Variants in CEP83 observed in about 807,000 individuals in gnomAD.
CEP83 encodes centrosomal protein of 83 kDa.
A neutral mutation model predicts 101.9 loss-of-function variants in CEP83; 70 were observed. That is an observed-to-expected ratio of 0.69 (90% CI 0.57 to 0.84). The LOEUF is 0.84. CEP83 is among the 40% of genes least tolerant of loss of function. The pLI, the probability that CEP83 is intolerant of heterozygous loss-of-function variation, is 0.00. For synonymous variants in CEP83, 264 were observed against 267.9 expected (o/e 0.99, Z 0.14); for missense variants, 715 against 787.2 (o/e 0.91, Z 1.10).
the CEP83 span, among the ~76,000 whole-genome samples, chr12:94,289,689 C>T: frequency 6.6e-6 from 1 of 152,188 alleles, no homozygotes; most frequent in African/African-American, 2.4e-5. Context: ...ACCTCAGCAG[C>T]AGCTGACTTG....
chr12:94,345,271 A>C (rs1336377125), intron 11 of CEP83, among the ~76,000 whole-genome samples: 1 of 152,232 alleles, frequency 6.6e-6, no homozygotes, highest in Admixed American at 6.5e-5. Context: ...AAAGTGGTGT[A>C]GTATTATGAT....
chr12:94,288,505 C>A, the CEP83 span, among the ~76,000 whole-genome samples: 3 of 152,192 alleles, frequency 2.0e-5, no homozygotes, highest in Non-Finnish European at 4.4e-5. Flanking sequence ...TTCAAGTAAA[C>A]AAGAGAGAAG....
downstream of CEP83, chr12:94,303,722 G>T (rs769567130): frequency 4.8e-5 from 58 of 1,210,150 alleles, no homozygotes; most frequent in South Asian, 2.1e-4. Context: ...TACTCTTTTG[G>T]TGATGGTTGC....
At chr12:94,445,545 G>A (rs1250718628) in intron 1 of CEP83, among the ~76,000 whole-genome samples, 1 of 152,094 alleles carries the variant, frequency 6.6e-6, no homozygotes, top group Non-Finnish European at 1.5e-5. Flanking sequence ...TTACATAAAT[G>A]ACAAGATATA....
chr12:94,424,272 G>A (rs1483633600), intron 2 of CEP83: 2 of 1,614,098 alleles, frequency 1.2e-6, no homozygotes, highest in African/African-American at 2.7e-5. Flanking sequence ...CGTCCATTTT[G>A]CACAAATATT....
chr12:94,278,196 G>A, the CEP83 span: 7 of 368,348 alleles, frequency 1.9e-5, no homozygotes, highest in East Asian at 2.2e-4. Context: ...ACATTCCCTC[G>A]TTAAGCCAGG....
intron 1 of CEP83, among the ~76,000 whole-genome samples, chr12:94,457,151 G>C (rs1216911340): frequency 6.6e-6 from 1 of 152,130 alleles, no homozygotes; most frequent in Non-Finnish European, 1.5e-5. Context: ...TTAGGGGATA[G>C]TGAAGAAACC....
chr12:94,374,645 A>G (rs1312724498), intron 8 of CEP83, among the ~76,000 whole-genome samples: 2 of 152,194 alleles, frequency 1.3e-5, no homozygotes, highest in Non-Finnish European at 2.9e-5. Flanking sequence ...TCTTACAGAT[A>G]TAAGGAAATT....
chr12:94,358,672 G>T (rs569891826), intron 11 of CEP83, among the ~76,000 whole-genome samples: 1 of 152,232 alleles, frequency 6.6e-6, no homozygotes, highest in Admixed American at 6.5e-5. Context: ...CACCAATTCA[G>T]TTATACAACC....
chr12:94,388,471 C>T (rs942118344), intron 6 of CEP83, among the ~76,000 whole-genome samples: 8 of 152,040 alleles, frequency 5.3e-5, no homozygotes, highest in African/African-American at 1.9e-4. Context: ...TCAAAAACTT[C>T]CTATTAGGCA....
chr12:94,399,999 T>C (rs2063158314), intron 6 of CEP83, among the ~76,000 whole-genome samples: 1 of 152,238 alleles, frequency 6.6e-6, no homozygotes, highest in Admixed American at 6.5e-5. Flanking sequence ...AGAACAGTTT[T>C]AGTTTTTATT....
intron 11 of CEP83, among the ~76,000 whole-genome samples, chr12:94,345,629 G>C (rs914444411): frequency 6.6e-6 from 1 of 151,898 alleles, no homozygotes; most frequent in African/African-American, 2.4e-5. Flanking sequence ...CTTGGAACTG[G>C]TCATAAAAAA....
chr12:94,318,319 T>C (rs775371551), intron 14 of CEP83, among the ~76,000 whole-genome samples: 1 of 152,178 alleles, frequency 6.6e-6, no homozygotes, highest in African/African-American at 2.4e-5. Context: ...ATTGAGACTA[T>C]GGGGGTTTCC....
Position 94,367,888 on chromosome 12 carries a change from C to T in CEP83, c.1249G>A (p.Val417Ile). 2.5e-6 allele frequency: 4 copies of T among 1,613,758 alleles called. No individual in the cohort carries two copies. The highest frequency in any genetic ancestry group is 3.4e-6 in the Non-Finnish European group (4 of 1,179,774). Reference sequence around the variant, plus strand: ...TGATCCTTTTCAGATTGCCTCCAGACATCATGTTCCACTTTCATTTTCTCC... The same window carrying T: ...TGATCCTTTTCAGATTGCCTCCAGATATCATGTTCCACTTTCATTTTCTCC... Reference protein sequence around the residue: ...DLEKMKVEHDVWRQSEKDQYE... With the variant: ...DLEKMKVEHDIWRQSEKDQYE... The change falls in exon 11 of 17, where the codon GTC becomes ATC. Residue 417 changes from valine to isoleucine, a missense_variant. By Grantham distance (29) the Val-to-Ile change is conservative (BLOSUM62 3). Coordinates refer to ENST00000397809, the MANE Select transcript of CEP83 (RefSeq NM_016122.3).
chr12:94,309,885 C>T (rs1253647979), intron 16 of CEP83, 33 bp downstream of exon 16: 1 of 1,310,972 alleles, frequency 7.6e-7, no homozygotes, highest in East Asian at 2.5e-5. Flanking sequence ...AAATGTACGA[C>T]TTTTTTTTTC....
intron 2 of CEP83, among the ~76,000 whole-genome samples, chr12:94,429,642 C>T (rs1335601580): frequency 6.6e-6 from 1 of 152,172 alleles, no homozygotes; most frequent in Middle Eastern, 3.2e-3. Flanking sequence ...CTGCTTCCAG[C>T]AGTGGAGCCA....
chr12:94,270,558 C>A, the CEP83 span, among the ~76,000 whole-genome samples: 5 of 152,130 alleles, frequency 3.3e-5, no homozygotes, highest in Admixed American at 2.6e-4. Context: ...GTCTGAAACT[C>A]ATGGGGCTCT....
At chr12:94,275,034 G>A in the CEP83 span, among the ~76,000 whole-genome samples, 12 of 152,208 alleles carry the variant, frequency 7.9e-5, no homozygotes, top group Non-Finnish European at 1.8e-4. Flanking sequence ...AAGGCTCAGC[G>A]AAGTTAGACG....
intron 11 of CEP83, among the ~76,000 whole-genome samples, chr12:94,349,524 T>A (rs1465820896): frequency 6.6e-6 from 1 of 152,178 alleles, no homozygotes; most frequent in African/African-American, 2.4e-5. Flanking sequence ...AAAAAATGCA[T>A]GATCATCTCA....
Sources: gnomAD v4.1 joint callset for allele counts (sites outside exome capture counted in the v4.1 genomes callset) on GRCh38, gnomAD v4.1.1 for gene constraint, MANE v1.5 for transcripts, NCBI Gene and HGNC (gene_info 2026-07-23, HGNC 2026-07-21) for gene names.